ANKS1B: variants seen among roughly 807,000 people sequenced by gnomAD.
The protein encoded by ANKS1B is ankyrin repeat and sterile alpha motif domain-containing protein 1B.
ANKS1B carries 36 observed loss-of-function variants against 148.3 expected under a neutral mutation model. That is an observed-to-expected ratio of 0.24 (90% CI 0.19 to 0.32). The LOEUF is 0.32. ANKS1B is among the 10% of genes least tolerant of loss of function. The pLI is 1.00. For missense variants in ANKS1B, 1,157 were observed against 1,542.6 expected (o/e 0.75, Z 4.19); for synonymous variants, 542 against 560.8 (o/e 0.97, Z 0.47).
At chr12:99,399,227 A>G (rs1258681637) in intron 12 of ANKS1B, among the ~76,000 whole-genome samples, 1 of 152,118 alleles carries the variant, frequency 6.6e-6, no homozygotes, top group Non-Finnish European at 1.5e-5. Context: ...AATAGGTTGA[A>G]AGCCAGCCTA....
chr12:98,758,306 T>G (rs956974124), intron 25 of ANKS1B, among the ~76,000 whole-genome samples: 1 of 152,160 alleles, frequency 6.6e-6, no homozygotes, highest in Non-Finnish European at 1.5e-5. Flanking sequence ...GGGATTTGAA[T>G]CCAGTTGTTC....
intron 10 of ANKS1B, among the ~76,000 whole-genome samples, chr12:99,484,263 T>C (rs891187314): frequency 6.6e-6 from 1 of 152,006 alleles, no homozygotes; most frequent in Non-Finnish European, 1.5e-5. Flanking sequence ...TCAGATATCA[T>C]TGAGGAGCAG....
intron 1 of ANKS1B, among the ~76,000 whole-genome samples, chr12:99,943,311 A>G (rs1320514645): frequency 6.6e-6 from 1 of 152,186 alleles, no homozygotes; most frequent in Non-Finnish European, 1.5e-5. Flanking sequence ...ATGTCACTGT[A>G]GGCACAAGTA....
At chr12:99,830,831 C>T (rs2083876434) in intron 1 of ANKS1B, among the ~76,000 whole-genome samples, 1 of 152,174 alleles carries the variant, frequency 6.6e-6, no homozygotes, top group South Asian at 2.1e-4. Flanking sequence ...TCAAACCACA[C>T]AGGCCTCCTT....
At chr12:98,755,407 T>C (rs1191634659) in intron 25 of ANKS1B, among the ~76,000 whole-genome samples, 1 of 152,224 alleles carries the variant, frequency 6.6e-6, no homozygotes, top group Non-Finnish European at 1.5e-5. Context: ...AAAGCCCAAC[T>C]GTCTCTGCCT....
chr12:98,737,917 T>C (rs191569409), intron 9 of ANKS1B, among the ~76,000 whole-genome samples: 3 of 152,370 alleles, frequency 2.0e-5, no homozygotes, highest in Admixed American at 1.3e-4. Flanking sequence ...GAGAAAATGA[T>C]TTTCTAATAA....
chr12:98,808,842 T>C (rs2099071289), intron 19 of ANKS1B, among the ~76,000 whole-genome samples: 1 of 152,174 alleles, frequency 6.6e-6, no homozygotes, highest in South Asian at 2.1e-4. Flanking sequence ...TGTAAACTTA[T>C]TCAGCAAGCT....
At chr12:99,165,309 C>T (rs565926656) in intron 14 of ANKS1B, among the ~76,000 whole-genome samples, 1 of 151,742 alleles carries the variant, frequency 6.6e-6, no homozygotes, top group South Asian at 2.1e-4. Context: ...AACAAAAGAT[C>T]AATAGAGAAA....
intron 8 of ANKS1B, among the ~76,000 whole-genome samples, chr12:99,734,168 T>A (rs2059411887): frequency 6.6e-6 from 1 of 152,154 alleles, no homozygotes. Context: ...TATCTTTACC[T>A]CTCTTTACTC....
chr12:99,571,322 G>A (rs2097453248), intron 9 of ANKS1B, among the ~76,000 whole-genome samples: 2 of 151,662 alleles, frequency 1.3e-5, no homozygotes, highest in South Asian at 2.1e-4. Flanking sequence ...AAACAACTCT[G>A]TTGTATACAC....
At chr12:99,462,496 T>A (rs1361842303) in intron 10 of ANKS1B, among the ~76,000 whole-genome samples, 1 of 152,110 alleles carries the variant, frequency 6.6e-6, no homozygotes, top group East Asian at 1.9e-4. Flanking sequence ...ACTCAATAAA[T>A]CTCCTGTATG....
At chr12:99,899,190 A>G (rs1379022193) in intron 1 of ANKS1B, among the ~76,000 whole-genome samples, 2 of 152,186 alleles carry the variant, frequency 1.3e-5, no homozygotes. Flanking sequence ...TTTTAAGCTG[A>G]AGCAACTAAG....
At chr12:99,214,607 C>G (rs967131448) in intron 14 of ANKS1B, among the ~76,000 whole-genome samples, 1 of 152,150 alleles carries the variant, frequency 6.6e-6, no homozygotes, top group African/African-American at 2.4e-5. Flanking sequence ...AACTGTGAGT[C>G]CATGAAACCT....
intron 9 of ANKS1B, among the ~76,000 whole-genome samples, chr12:99,597,227 C>T (rs2097765672): frequency 6.7e-6 from 1 of 148,328 alleles, no homozygotes; most frequent in Admixed American, 6.8e-5. Context: ...ATAATACTTG[C>T]CTTTACAACA....
intron 17 of ANKS1B, among the ~76,000 whole-genome samples, chr12:99,036,109 GCA>G (rs2099955403): frequency 1.3e-5 from 2 of 152,142 alleles, no homozygotes; most frequent in African/African-American, 4.8e-5. Context: ...TTCTCTGTGT[GCA>G]CAGTGATTTT....
chr12:99,436,990 G>A (rs12230011), intron 11 of ANKS1B, among the ~76,000 whole-genome samples: 1 of 152,024 alleles, frequency 6.6e-6, no homozygotes, highest in African/African-American at 2.4e-5. Flanking sequence ...TTTAGGATGA[G>A]GTTTTGGGTT....
At chr12:99,953,977 C>T (rs927577323) in intron 1 of ANKS1B, among the ~76,000 whole-genome samples, 4 of 151,998 alleles carry the variant, frequency 2.6e-5, no homozygotes, top group South Asian at 4.1e-4. Context: ...GTGGGGGAGG[C>T]GGTATTTATT....
intron 14 of ANKS1B, among the ~76,000 whole-genome samples, chr12:99,175,388 C>T (rs888910958): frequency 1.3e-5 from 2 of 152,138 alleles, no homozygotes; most frequent in African/African-American, 4.8e-5. Flanking sequence ...CAAGTCTAAA[C>T]ATGGAATTCA....
At chr12:99,138,640 C>A (rs1009209692) in intron 15 of ANKS1B, among the ~76,000 whole-genome samples, 2 of 152,146 alleles carry the variant, frequency 1.3e-5, no homozygotes, top group East Asian at 3.9e-4. Flanking sequence ...AGCACAGTTT[C>A]AGGAGACAGG....
Sources: allele counts gnomAD v4.1 joint callset (sites outside exome capture counted in the v4.1 genomes callset), GRCh38; gene constraint gnomAD v4.1.1; transcripts MANE v1.5; gene names NCBI Gene and HGNC (gene_info 2026-07-23, HGNC 2026-07-21).